The following PTPRG variants were observed in gnomAD, a reference collection of about 807,000 sequenced individuals.
The protein encoded by PTPRG is protein tyrosine phosphatase receptor type G.
PTPRG carries 102 observed loss-of-function variants against 165.3 expected under a neutral mutation model. The ratio of observed to expected loss-of-function variants is 0.62; its 90% CI spans 0.53 to 0.73. The LOEUF is 0.73. PTPRG is among the 30% of genes least tolerant of loss of function. PTPRG has a pLI of 0.00. For missense variants in PTPRG, 1,866 were observed against 1,861.4 expected, an observed-to-expected ratio of 1.00 and a Z score of -0.05; for synonymous variants, 675 against 669.5, an observed-to-expected ratio of 1.01 and a Z score of -0.13.
chr3:62,033,532 C>A (rs1575916062), intron 4 of PTPRG, among the ~76,000 whole-genome samples: 1 of 53,476 alleles, frequency 1.9e-5, no homozygotes, highest in Non-Finnish European at 3.9e-5. Context: ...GCCTATCTTC[C>A]CCCCCCCACC....
In PTPRG at chr3:62,222,223, T is replaced by C. The variant is rs1700668092; in HGVS notation, c.2288+3240T>C. Among the ~76,000 whole-genome samples the C allele has an allele frequency of 6.6e-6, 1 of 152,208 alleles. No individual in the cohort carries two copies. Among genetic ancestry groups the C allele is most frequent in the Admixed American group, 6.5e-5 (1 of 15,278 alleles). ...CTCAAGGGGAAAAAAAAAAGTTTGATTCATGGAATTGAGAAGTTCAGGAGC... is the reference window on the plus strand; with the variant it reads ...CTCAAGGGGAAAAAAAAAAGTTTGACTCATGGAATTGAGAAGTTCAGGAGC... On this transcript the variant is annotated intron_variant, in intron 13 of 29. Coordinates refer to ENST00000474889, the MANE Select transcript of PTPRG (RefSeq NM_002841.4). This position sits in a 1 kb window ranked among gnomAD's most constrained non-coding sequence, Gnocchi z 4.5.
intron 2 of PTPRG, among the ~76,000 whole-genome samples, chr3:61,817,094 ATAT>A (rs1159573660): frequency 4.8e-4 from 64 of 131,982 alleles, no homozygotes; most frequent in South Asian, 1.1e-3. Flanking sequence ...TATATATTAC[ATAT>A]TATTACATAT....
intron 2 of PTPRG, among the ~76,000 whole-genome samples, chr3:61,838,548 A>C (rs926127653): frequency 6.6e-6 from 1 of 152,192 alleles, no homozygotes; most frequent in Non-Finnish European, 1.5e-5. Flanking sequence ...AAAACTCTTC[A>C]ACAGTTTATG....
chr3:62,292,479 G>A lies in PTPRG; in HGVS notation c.4114G>A (p.Glu1372Lys), dbSNP rs761920763. 2 of 1,613,708 alleles carry A rather than the reference G, an allele frequency of 1.2e-6. No individual in the cohort carries two copies. Among genetic ancestry groups the A allele is most frequent in the East Asian group, 2.2e-5 (1 of 44,874 alleles). ...CALTTLSQQL[E>K]NENAVDVFQV... ...CCTTACCACCCTGTCCCAGCAACTG[G>A]AGAATGAAAATGCTGTGGATGTTTT... The change falls in exon 29 of 30, where the codon GAG becomes AAG. Residue 1372 changes from glutamate (E) to lysine (K), a missense_variant. Physicochemically the swap from Glu to Lys is moderately conservative, Grantham distance 56. Transcript: ENST00000474889.
chr3:61,796,999 A>T (rs1398578372), intron 2 of PTPRG, among the ~76,000 whole-genome samples: 3 of 152,166 alleles, frequency 2.0e-5, no homozygotes, highest in Non-Finnish European at 2.9e-5. Context: ...TCAGCTTTAT[A>T]TATTTGGAAA....
intron 8 of PTPRG, among the ~76,000 whole-genome samples, chr3:62,172,858 G>A (rs538776327): frequency 6.6e-6 from 1 of 152,352 alleles, no homozygotes; most frequent in South Asian, 2.1e-4. Context: ...GCCCAGGAAA[G>A]CTATGATGTT....
intron 1 of PTPRG, among the ~76,000 whole-genome samples, chr3:61,694,025 AAGAGAGAG>A (rs770989000): frequency 3.4e-5 from 5 of 145,992 alleles, no homozygotes; most frequent in East Asian, 4.0e-4. Context: ...AAAAAAAAAA[AAGAGAGAG>A]AGAGAGAGAG....
intron 1 of PTPRG, 77 bp from the exon 2 acceptor site, chr3:61,748,801 A>T: frequency 8.6e-7 from 1 of 1,162,060 alleles, no homozygotes; most frequent in South Asian, 1.3e-5. Flanking sequence ...AAGTCACCCA[A>T]TGGTGTTCAT....
At chr3:61,745,380 C>T (rs866682069) in intron 1 of PTPRG, among the ~76,000 whole-genome samples, 12 of 152,134 alleles carry the variant, frequency 7.9e-5, no homozygotes, top group East Asian at 1.9e-4. Context: ...ACACACCATG[C>T]GCTGATTTCC....
Position 62,119,315 on chromosome 3 carries a change from G to A in PTPRG, c.616-13287G>A, listed in dbSNP as rs74340116. On this transcript the variant is annotated intron_variant, in intron 5 of 29. Transcript: ENST00000474889. ...AGGAAGGAACTAACAAGAGTACTGA[G>A]TTAGCAAACATTTGGAATGGGCCAG... 1.0e-2 allele frequency among the ~76,000 whole-genome samples: 1,522 copies of A among 152,348 alleles called. 22 individuals are homozygous for A. The highest frequency in any genetic ancestry group is 0.035 in the African/African-American group (1,436 of 41,588).
intron 2 of PTPRG, among the ~76,000 whole-genome samples, chr3:61,793,700 T>A (rs1024391366): frequency 6.6e-6 from 1 of 152,182 alleles, no homozygotes. Flanking sequence ...AACTTGCAAA[T>A]TGGCAGAAGT....
rs944687033 is a variant in PTPRG, at chr3:62,203,925, C to T, written c.2130C>T (p.Asp710=). ...CCCGCGGGGACCGATTTTCTGAAGA[C>T]AGCAGATTTATCACTGTTAATCCAG... ...PMSRGDRFSE[D]SRFITVNPAE... is the part of the protein sequence containing the mutation. Residue 710 remains aspartate (D), a synonymous_variant, in exon 12 of 30, where the codon GAC becomes GAT. Transcript: ENST00000474889. The surrounding 1 kb of genome is among the most constrained non-coding windows in gnomAD (Gnocchi z 6.4). 1.9e-6 allele frequency: 3 copies of T among 1,590,422 alleles called. No individual in the cohort carries two copies. The highest frequency in any genetic ancestry group is 3.5e-5 in the Admixed American group (2 of 57,378).
At chr3:61,655,963 AG>A in intron 1 of PTPRG, among the ~76,000 whole-genome samples, 1 of 152,118 alleles carries the variant, frequency 6.6e-6, no homozygotes, top group African/African-American at 2.4e-5. Flanking sequence ...CTGTAATCCT[AG>A]CCCTTTGTGG....
At chr3:61,820,603 GTTTT>G (rs11329820) in intron 2 of PTPRG, among the ~76,000 whole-genome samples, 164 of 65,730 alleles carry the variant, frequency 2.5e-3, no homozygotes, top group African/African-American at 8.7e-3. Context: ...CTGTGTCTCT[GTTTT>G]TTTTTTTTTT....
At chr3:62,123,747 T>C (rs535714754) in intron 5 of PTPRG, among the ~76,000 whole-genome samples, 2 of 152,218 alleles carry the variant, frequency 1.3e-5, no homozygotes, top group South Asian at 4.1e-4. Flanking sequence ...TAAATAGATA[T>C]ATTTATATAT....
In PTPRG at chr3:62,255,058, T is replaced by G. The variant is rs968494604; in HGVS notation, c.2468-66T>G. ...GTATTTGTCTTAAGGATGCTTTGCT[T>G]TATCAGTGTAATTTGTTTTATGGAA... is the stretch of plus-strand genomic sequence containing the variant. On this transcript the variant is annotated intron_variant, in intron 15 of 29. Coordinates refer to ENST00000474889, the MANE Select transcript of PTPRG (RefSeq NM_002841.4). This position sits in a 1 kb window ranked among gnomAD's most constrained non-coding sequence, Gnocchi z 4.0. 7.3e-7 allele frequency: 1 copy of G among 1,366,686 alleles called. No individual in the cohort carries two copies. The highest frequency in any genetic ancestry group is 1.0e-6 in the Non-Finnish European group (1 of 974,242). 84.7% of individuals were successfully genotyped at this position (1,366,686 alleles called of 1,614,324 possible). A position where few individuals can be genotyped will look rare whatever the true frequency, so the allele number is the denominator to read the frequency against.
chr3:61,945,904 C>T (rs551528128), intron 2 of PTPRG, among the ~76,000 whole-genome samples: 2 of 152,166 alleles, frequency 1.3e-5, no homozygotes, highest in Admixed American at 6.6e-5. Flanking sequence ...AACACAGAGA[C>T]GTGAAGTGGC....
At chr3:62,280,103 G>T (rs911805942) in intron 26 of PTPRG, among the ~76,000 whole-genome samples, 1 of 152,052 alleles carries the variant, frequency 6.6e-6, no homozygotes, top group African/African-American at 2.4e-5. Flanking sequence ...TTTAAAGCTT[G>T]CCTGATTCAA....
chr3:61,716,423 A>G (rs2031809626), intron 1 of PTPRG, among the ~76,000 whole-genome samples: 1 of 152,226 alleles, frequency 6.6e-6, no homozygotes, highest in Non-Finnish European at 1.5e-5. Context: ...CCTGTGGGAT[A>G]ACAATCTGTT....
Sources: gnomAD v4.1 joint callset for allele counts (sites outside exome capture counted in the v4.1 genomes callset) on GRCh38, gnomAD v4.1.1 for gene constraint, Gnocchi (gnomAD v3.1) non-coding constraint, MANE v1.5 for transcripts, NCBI Gene and HGNC (gene_info 2026-07-23, HGNC 2026-07-21) for gene names.